Variants in FBH1 observed in about 807,000 individuals in gnomAD.
The protein encoded by FBH1 is DNA 3'-5' helicase 1.
Under a neutral mutation model 115.5 loss-of-function variants are expected in FBH1, and 43 were observed. That is an observed-to-expected ratio of 0.37 (90% CI 0.29 to 0.48). FBH1 has a LOEUF of 0.48. Among genes scored for constraint, FBH1 ranks in the 20% least tolerant of loss-of-function variants. FBH1 has a pLI of 0.99. For synonymous variants in FBH1, 524 were observed against 507.8 expected, an observed-to-expected ratio of 1.03 and a Z score of -0.43; for missense variants, 1,001 against 1,337.3, an observed-to-expected ratio of 0.75 and a Z score of 3.92.
intron 10 of FBH1, among the ~76,000 whole-genome samples, 186 bp downstream of exon 10, chr10:5,916,642 A>G: frequency 2.1e-5 from 3 of 145,534 alleles, no homozygotes; most frequent in African/African-American, 5.3e-5. Flanking sequence ...GGGAAATGGG[A>G]AGTGTTAGGG....
At chr10:5,930,922 T>G (rs7913876) in intron 19 of FBH1, among the ~76,000 whole-genome samples, 17,979 of 151,900 alleles carry the variant, frequency 0.12, 1,951 homozygotes, top group African/African-American at 0.29. Flanking sequence ...GCTGGTTTTT[T>G]TTTTGTTTTG....
chr10:5,894,866 TAAA>T (rs919024374), intron 1 of FBH1, among the ~76,000 whole-genome samples: 2 of 152,176 alleles, frequency 1.3e-5, no homozygotes, highest in African/African-American at 4.8e-5. Context: ...ACAGTGCAAT[TAAA>T]AACAATAATT....
chr10:5,932,021 C>G lies in FBH1; in HGVS notation c.2830-4435C>G, dbSNP rs1210968094. The stretch of plus-strand genomic sequence containing the variant: ...AATTAGCTAGTCATGGTGGTGCATA[C>G]CTGTAGCCCCAGCTACTTAGGAGGC... On this transcript the variant is annotated intron_variant, in intron 19 of 20. Transcript: ENST00000362091. The surrounding 1 kb of genome is among the most constrained non-coding windows in gnomAD (Gnocchi z 5.9). Among the ~76,000 whole-genome samples, 2 of 152,170 alleles carry G rather than the reference C, an allele frequency of 1.3e-5. No homozygotes were observed. The highest frequency in any genetic ancestry group is 6.5e-5 in the Admixed American group (1 of 15,286).
At chr10:5,926,870 A>G (rs548260917) in intron 18 of FBH1, among the ~76,000 whole-genome samples, 14 of 152,290 alleles carry the variant, frequency 9.2e-5, no homozygotes, top group African/African-American at 3.4e-4. Flanking sequence ...GTGAATCGAG[A>G]TGGGAGATGA....
upstream of FBH1, chr10:5,890,091 T>A (rs1208113951): frequency 2.2e-5 from 7 of 313,790 alleles, no homozygotes; most frequent in East Asian, 2.9e-4. Context: ...GCATTTCGAT[T>A]GGCGTTAGTG....
At position 5,913,336 on chromosome 10, in the gene FBH1, C is replaced by T. The variant is rs1831724689; in HGVS notation, c.1212-411C>T. Reference sequence around the variant, plus strand: ...GAGGTAGACAGTGGAGCGACCGAGGCTCAGAAAGAGGCTGGTGTTTTATCC... The same window carrying T: ...GAGGTAGACAGTGGAGCGACCGAGGTTCAGAAAGAGGCTGGTGTTTTATCC... On this transcript the variant is annotated intron_variant, in intron 6 of 20. Transcript: ENST00000362091. This position sits in a 1 kb window ranked among gnomAD's most constrained non-coding sequence, Gnocchi z 4.4. Among the ~76,000 whole-genome samples the T allele has an allele frequency of 7.8e-6, 1 of 128,300 alleles. No individual in the cohort carries two copies. The highest frequency in any genetic ancestry group is 1.7e-5 in the Non-Finnish European group (1 of 58,858). The allele number at this position is 128,300 out of a possible 152,430, so 84.2% of individuals were successfully genotyped here.
chr10:5,917,410 T>C lies in FBH1; in HGVS notation c.1789-10T>C, dbSNP rs1419157605. 9 of 1,613,302 alleles carry C rather than the reference T, an allele frequency of 5.6e-6. No homozygotes were observed. Among genetic ancestry groups the C allele is most frequent in the Non-Finnish European group, 7.6e-6 (9 of 1,179,570 alleles). On this transcript the variant is annotated splice_polypyrimidine_tract_variant and intron_variant, in intron 10 of 20. Transcript: ENST00000362091. The surrounding 1 kb of genome is among the most constrained non-coding windows in gnomAD (Gnocchi z 5.6). ...TCAAACTCTGGGTTACCATATGCTT[T>C]ACTTCCTAGAATGGTGTCCTTGAAG...
In FBH1 at chr10:5,916,285, C is replaced by G; in HGVS notation, c.1617C>G (p.Val539=). 6.2e-7 allele frequency: 1 copy of G among 1,614,196 alleles called. No homozygotes were observed. The highest frequency in any genetic ancestry group is 8.5e-7 in the Non-Finnish European group (1 of 1,180,044). Residue 539 remains valine (V), a synonymous_variant, in exon 10 of 21, where the codon GTC becomes GTG. Coordinates refer to ENST00000362091, the MANE Select transcript of FBH1 (RefSeq NM_178150.3). ...TCTTCAAGTTAACACCCTTCATGGT[C>G]AACTCCGTCCTTGCTGAAGGGAAGG... ...LNLFKLTPFM[V]NSVLAEGKGG...
chr10:5,918,271 T>G lies in FBH1; in HGVS notation c.1964-71T>G. 6.3e-7 allele frequency: 1 copy of G among 1,577,762 alleles called. No homozygotes were observed. Among genetic ancestry groups the G allele is most frequent in the Non-Finnish European group, 8.6e-7 (1 of 1,166,082 alleles). ...CCTGGCTTAGCTTCGTGGAAGTGTT[T>G]TTGTCCTTTTCTTTTTGCTGCCTGG... On this transcript the variant is annotated intron_variant, in intron 12 of 20. Coordinates refer to ENST00000362091, the MANE Select transcript of FBH1 (RefSeq NM_178150.3). This position sits in a 1 kb window ranked among gnomAD's most constrained non-coding sequence, Gnocchi z 4.0.
intron 3 of FBH1, among the ~76,000 whole-genome samples, chr10:5,907,053 C>G (rs959197144): frequency 2.0e-5 from 3 of 152,098 alleles, no homozygotes; most frequent in African/African-American, 7.2e-5. Context: ...ACCTCTGCCT[C>G]CCAGGTTCAA....
At position 5,922,553 on chromosome 10, in the gene FBH1, C is replaced by T. The variant is rs187281629; in HGVS notation, c.2322+984C>T. On this transcript the variant is annotated intron_variant, in intron 15 of 20. Coordinates refer to ENST00000362091, the MANE Select transcript of FBH1 (RefSeq NM_178150.3). ...ATGATATAAAGTAAGTGGTTCTCTA[C>T]ACCTCTCTTAAATCCACTTACTAGC... is the stretch of plus-strand genomic sequence containing the variant. Among the ~76,000 whole-genome samples the T allele has an allele frequency of 2.3e-4, 35 of 152,368 alleles. 1 individual carries two copies. In the East Asian group the frequency reaches 4.4e-3, roughly 19 times the overall value.
rs1477021560 is a variant in FBH1, at chr10:5,932,396, A to G, written c.2830-4060A>G. ...TAGAAGCCATGGGAATCACTCTTTT[A>G]TTTATTTTTTACTCTTTTATTTTTT... On this transcript the variant is annotated intron_variant, in intron 19 of 20. Coordinates refer to ENST00000362091, the MANE Select transcript of FBH1 (RefSeq NM_178150.3). The surrounding 1 kb of genome is among the most constrained non-coding windows in gnomAD (Gnocchi z 5.9). Among the ~76,000 whole-genome samples, 2 of 152,042 alleles carry G rather than the reference A, an allele frequency of 1.3e-5. No individual in the cohort carries two copies. The highest frequency in any genetic ancestry group is 2.9e-5 in the Non-Finnish European group (2 of 67,986).
chr10:5,904,298 G>A (rs552492231), intron 2 of FBH1, among the ~76,000 whole-genome samples: 1 of 152,246 alleles, frequency 6.6e-6, no homozygotes, highest in South Asian at 2.1e-4. Flanking sequence ...CTCTCAAACT[G>A]CCAGGATTAC....
chr10:5,906,321 C>T lies in FBH1; in HGVS notation c.442C>T (p.Pro148Ser). ...GTGGGATGGAGTTTCTAAGAAAGCT[C>T]CACGGCACCATTTGTCTGTGCCATG... ...SRWDGVSKKA[P>S]RHHLSVPCTR... The change falls in exon 3 of 21, where the codon CCA (proline) becomes TCA (serine). Residue 148 changes from proline (P) to serine (S), a missense_variant. Coordinates refer to ENST00000362091, the MANE Select transcript of FBH1 (RefSeq NM_178150.3). This position sits in a 1 kb window ranked among gnomAD's most constrained non-coding sequence, Gnocchi z 7.3. The T allele has an allele frequency of 6.2e-7, 1 of 1,614,220 alleles. No homozygotes were observed. Among genetic ancestry groups the T allele is most frequent in the Non-Finnish European group, 8.5e-7 (1 of 1,180,028 alleles).
upstream of FBH1, chr10:5,890,150 G>C: frequency 3.1e-6 from 1 of 326,444 alleles, no homozygotes; most frequent in Admixed American, 4.9e-5. Context: ...ATTGGTCGCG[G>C]GGGCCGTCAG....
At chr10:5,919,866 A>G (rs1427926373) in intron 13 of FBH1, among the ~76,000 whole-genome samples, 1 of 152,204 alleles carries the variant, frequency 6.6e-6, no homozygotes, top group East Asian at 1.9e-4. Context: ...TTACAGAAAA[A>G]TCGAGAGGAG....
intron 1 of FBH1, among the ~76,000 whole-genome samples, chr10:5,902,629 G>A (rs1291935944): frequency 5.9e-5 from 9 of 152,056 alleles, no homozygotes; most frequent in Admixed American, 5.2e-4. Context: ...ACCACGCCCA[G>A]CTAATTTTTG....
chr10:5,903,501 T>TG (rs1843495307), intron 2 of FBH1, among the ~76,000 whole-genome samples: 1 of 30,526 alleles, frequency 3.3e-5, no homozygotes, highest in Admixed American at 3.8e-4. Flanking sequence ...CAGCTAATTT[T>TG]GTTTTTTAGT....
At chr10:5,893,043 C>T (rs537215922) in intron 1 of FBH1, among the ~76,000 whole-genome samples, 37 of 152,198 alleles carry the variant, frequency 2.4e-4, no homozygotes, top group Middle Eastern at 3.2e-3. Context: ...CGGTGGCTGA[C>T]GCCTGTAATC....
Sources: allele counts gnomAD v4.1 joint callset (sites outside exome capture counted in the v4.1 genomes callset), GRCh38; gene constraint gnomAD v4.1.1; non-coding constraint Gnocchi (gnomAD v3.1); transcripts MANE v1.5; gene names NCBI Gene and HGNC (gene_info 2026-07-23, HGNC 2026-07-21).